SHE: variants seen among roughly 807,000 people sequenced by gnomAD.
SHE encodes the protein SH2 domain-containing adapter protein E.
Under a neutral mutation model 49.8 loss-of-function variants are expected in SHE, and 11 were observed. That is an observed-to-expected ratio of 0.22 (90% CI 0.14 to 0.37). The LOEUF is 0.37. SHE is among the 10% of genes least tolerant of loss of function. The pLI is 1.00. For missense variants in SHE, 624 were observed against 655.5 expected, an observed-to-expected ratio of 0.95 and a Z score of 0.52; for synonymous variants, 310 against 278.1, an observed-to-expected ratio of 1.11 and a Z score of -1.14.
At chr1:154,485,897 G>A (rs1557797223) in intron 5 of SHE, 46 bp downstream of exon 5, 1 of 1,596,546 alleles carries the variant, frequency 6.3e-7, no homozygotes, top group African/African-American at 1.3e-5. Flanking sequence ...CTGTCACACA[G>A]TGTTCCTTCC....
intron 3 of SHE, 54 bp from the exon 4 acceptor site, chr1:154,486,737 C>T (rs1003520225): frequency 1.3e-6 from 2 of 1,584,726 alleles, no homozygotes; most frequent in Non-Finnish European, 1.7e-6. Context: ...CCCATGTAAA[C>T]TTCAAAGGGA....
intron 2 of SHE, among the ~76,000 whole-genome samples, chr1:154,495,164 C>G (rs552158102): frequency 1.3e-5 from 2 of 152,332 alleles, no homozygotes; most frequent in South Asian, 4.1e-4. Flanking sequence ...ACATCAACTG[C>G]AGAAAGAATC....
intron 1 of SHE, among the ~76,000 whole-genome samples, chr1:154,473,126 G>A (rs540428103): frequency 3.6e-4 from 54 of 151,940 alleles, no homozygotes; most frequent in Non-Finnish European, 4.1e-4. Context: ...AGCCTCCCGA[G>A]TAGCTGGGAT....
At chr1:154,496,260 TA>T (rs1692527242) in intron 2 of SHE, among the ~76,000 whole-genome samples, 1 of 152,236 alleles carries the variant, frequency 6.6e-6, no homozygotes, top group African/African-American at 2.4e-5. Context: ...GACCAAAGTA[TA>T]CTTAGATCAC....
At chr1:154,476,611 G>A (rs966892627), downstream of SHE, among the ~76,000 whole-genome samples, 1 of 151,170 alleles carries the variant, frequency 6.6e-6, no homozygotes, top group African/African-American at 2.4e-5. Context: ...CAGCCTAGGC[G>A]ACAGAGTGAG....
chr1:154,485,810 C>T (rs932312968), intron 5 of SHE, 133 bp downstream of exon 5: 36 of 1,102,488 alleles, frequency 3.3e-5, no homozygotes, highest in Non-Finnish European at 4.5e-5. Context: ...TTCCATTGTC[C>T]AAACAAATGC....
In SHE at chr1:154,489,039, T is replaced by C. The variant is rs1692276086; in HGVS notation, c.1024+12A>G. The C allele has an allele frequency of 1.3e-6, 2 of 1,544,526 alleles. No individual in the cohort carries two copies. The highest frequency in any genetic ancestry group is 2.7e-5 in the African/African-American group (2 of 72,898). On this transcript the variant is annotated intron_variant, in intron 3 of 5. Transcript: ENST00000304760. ...AAGTCACACTGGGGCGGGCCTGGCC[T>C]GGCGCCCTCACCTGACAGAGCCCGC...
Position 154,502,036 on chromosome 1 carries a change from C to G in SHE, c.-10G>C. 7.7e-7 allele frequency: 1 copy of G among 1,300,260 alleles called. No individual in the cohort carries two copies. The highest frequency in any genetic ancestry group is 9.7e-7 in the Non-Finnish European group (1 of 1,029,092). 80.5% of individuals were successfully genotyped at this position (1,300,260 alleles called of 1,614,324 possible). ...TCGGGGACCACTGCATTCCCCGTGACTGGGGCGCTGGAGGCCGCGGCGAGG... is the reference window on the plus strand; with the variant it reads ...TCGGGGACCACTGCATTCCCCGTGAGTGGGGCGCTGGAGGCCGCGGCGAGG... On this transcript the variant is annotated 5_prime_UTR_variant, in exon 1 of 6. Transcript: ENST00000304760.
Position 154,481,677 on chromosome 1 carries a change from T to C in SHE, c.*2472A>G, listed in dbSNP as rs1312913799. 2.1e-6 allele frequency: 2 copies of C among 971,300 alleles called. No homozygotes were observed. Among genetic ancestry groups the C allele is most frequent in the Non-Finnish European group, 2.4e-6 (2 of 817,214 alleles). 60.2% of individuals were successfully genotyped at this position (971,300 alleles called of 1,614,324 possible). ...AAGTAAAAACGTTTCATTTCTAGAA[T>C]GTTAAACTAAAAATAAGTTTAACAC... On this transcript the variant is annotated 3_prime_UTR_variant, in exon 6 of 6. Transcript: ENST00000304760.
chr1:154,480,566 C>G lies in SHE; in HGVS notation c.*3583G>C. ...CCCTATCAGCTACCTGCCCACCTCC[C>G]CATCCTGCGGCAGAGGCTAGTACAC... On this transcript the variant is annotated 3_prime_UTR_variant, in exon 6 of 6. Transcript: ENST00000304760. 1.0e-6 allele frequency: 1 copy of G among 985,536 alleles called. No individual in the cohort carries two copies. The highest frequency in any genetic ancestry group is 1.7e-5 in the African/African-American group (1 of 57,354). The allele number at this position is 985,536 out of a possible 1,614,324, so 61.0% of individuals were successfully genotyped here.
At chr1:154,476,204 G>C (rs1691871652), downstream of SHE, among the ~76,000 whole-genome samples, 1 of 152,098 alleles carries the variant, frequency 6.6e-6, no homozygotes, top group African/African-American at 2.4e-5. Flanking sequence ...ACATTAGCCA[G>C]GTATGGTGGC....
chr1:154,480,802 G>A lies in SHE; in HGVS notation c.*3347C>T, dbSNP rs1691998402. 1 of 985,330 alleles carries A rather than the reference G, an allele frequency of 1.0e-6. No individual in the cohort carries two copies. Among genetic ancestry groups the A allele is most frequent in the Non-Finnish European group, 1.2e-6 (1 of 829,920 alleles). The allele number at this position is 985,330 out of a possible 1,614,324, so 61.0% of individuals were successfully genotyped here. On this transcript the variant is annotated 3_prime_UTR_variant, in exon 6 of 6. Coordinates refer to ENST00000304760, the MANE Select transcript of SHE (RefSeq NM_001010846.3). ...TACACACAAGGCCAGTGGTTTGCAG[G>A]CCATCCTGAGATACAACTATGGTAT...
intron 3 of SHE, among the ~76,000 whole-genome samples, chr1:154,488,306 T>G (rs1403206633): frequency 6.6e-6 from 1 of 152,078 alleles, no homozygotes; most frequent in African/African-American, 2.4e-5. Context: ...TCACCCAGGC[T>G]GGAGTGCAGT....
chr1:154,495,255 C>G (rs1339273686), intron 2 of SHE, among the ~76,000 whole-genome samples: 2 of 152,132 alleles, frequency 1.3e-5, no homozygotes, highest in Non-Finnish European at 2.9e-5. Context: ...ACTCCTAATG[C>G]TAGATTATGT....
chr1:154,488,995 T>C (rs1209187180), intron 3 of SHE, 56 bp downstream of exon 3: 17 of 1,506,148 alleles, frequency 1.1e-5, no homozygotes, highest in African/African-American at 2.8e-5. Flanking sequence ...GTGGGGCTGA[T>C]GCGGTGGCCA....
chr1:154,480,289 G>A lies in SHE; in HGVS notation c.*3860C>T, dbSNP rs767153329. The stretch of plus-strand genomic sequence containing the variant: ...GGGTGCGGGGAAGGGAAATGAAATC[G>A]ACATCACTGCACTCCCTAAACCCTG... On this transcript the variant is annotated 3_prime_UTR_variant, in exon 6 of 6. Transcript: ENST00000304760. 3.3e-5 allele frequency: 33 copies of A among 985,244 alleles called. No individual in the cohort carries two copies. The highest frequency in any genetic ancestry group is 3.7e-5 in the Non-Finnish European group (31 of 829,948). The allele number at this position is 985,244 out of a possible 1,614,324, so 61.0% of individuals were successfully genotyped here.
At chr1:154,500,375 T>G (rs1692671778) in intron 1 of SHE, among the ~76,000 whole-genome samples, 1 of 152,122 alleles carries the variant, frequency 6.6e-6, no homozygotes, top group Non-Finnish European at 1.5e-5. Context: ...CTCCACTCAG[T>G]GCCTGGCTCA....
In SHE at chr1:154,481,839, C is replaced by A; in HGVS notation, c.*2310G>T. On this transcript the variant is annotated 3_prime_UTR_variant, in exon 6 of 6. Transcript: ENST00000304760. ...TCTATCAGTATCTGAAAAAAACATTCCTTTTGGTTTTTTGTTTGCTTGCTT... is the reference window on the plus strand; with the variant it reads ...TCTATCAGTATCTGAAAAAAACATTACTTTTGGTTTTTTGTTTGCTTGCTT... 1.0e-6 allele frequency: 1 copy of A among 970,902 alleles called. No homozygotes were observed. The highest frequency in any genetic ancestry group is 1.2e-6 in the Non-Finnish European group (1 of 816,780). 60.1% of individuals were successfully genotyped at this position (970,902 alleles called of 1,614,324 possible).
intron 2 of SHE, among the ~76,000 whole-genome samples, chr1:154,497,463 T>G (rs1186190249): frequency 1.3e-5 from 2 of 152,166 alleles, no homozygotes; most frequent in African/African-American, 4.8e-5. Context: ...GGTGAAGACA[T>G]AAAGTTCACA....
Sources: allele counts gnomAD v4.1 joint callset (sites outside exome capture counted in the v4.1 genomes callset), GRCh38; gene constraint gnomAD v4.1.1; transcripts MANE v1.5; gene names NCBI Gene and HGNC (gene_info 2026-07-23, HGNC 2026-07-21).